Variants in GRIK2 observed in about 807,000 individuals in gnomAD.
GRIK2 encodes glutamate receptor ionotropic, kainate 2.
GRIK2 carries 32 observed loss-of-function variants against 100.3 expected under a neutral mutation model. That is an observed-to-expected ratio of 0.32 (90% CI 0.24 to 0.43). The LOEUF is 0.43. Among genes scored for constraint, GRIK2 ranks in the 20% least tolerant of loss-of-function variants. The pLI, the probability that GRIK2 is intolerant of heterozygous loss-of-function variation, is 1.00. For synonymous variants in GRIK2, 417 were observed against 389.4 expected (o/e 1.07, Z -0.83); for missense variants, 843 against 1,114.9 (o/e 0.76, Z 3.47).
At chr6:102,019,142 G>C (rs1769291238) in intron 14 of GRIK2, among the ~76,000 whole-genome samples, 1 of 151,926 alleles carries the variant, frequency 6.6e-6, no homozygotes, top group African/African-American at 2.4e-5. Context: ...CTTTTATCAA[G>C]TCAAAATGAT....
intron 7 of GRIK2, among the ~76,000 whole-genome samples, chr6:101,724,616 C>G (rs1322857508): frequency 4.6e-5 from 7 of 151,868 alleles, no homozygotes; most frequent in African/African-American, 1.7e-4. Context: ...TATGTACAGT[C>G]TTTATTCACT....
chr6:101,735,330 T>G (rs1775562347), intron 7 of GRIK2, among the ~76,000 whole-genome samples: 1 of 152,194 alleles, frequency 6.6e-6, no homozygotes, highest in African/African-American at 2.4e-5. Context: ...GTATTCAATA[T>G]GTTGACATTT....
At chr6:101,672,652 G>T (rs1158502997) in intron 4 of GRIK2, among the ~76,000 whole-genome samples, 1 of 151,798 alleles carries the variant, frequency 6.6e-6, no homozygotes, top group Non-Finnish European at 1.5e-5. Flanking sequence ...GTGTTGTGGG[G>T]GTTTGGTGTA....
At chr6:102,062,715 G>A (rs929737938) in intron 16 of GRIK2, among the ~76,000 whole-genome samples, 6 of 150,162 alleles carry the variant, frequency 4.0e-5, no homozygotes, top group African/African-American at 1.5e-4. Flanking sequence ...ATAGCCTTAG[G>A]TCAATTCATA....
At chr6:101,774,293 A>C (rs886894395) in intron 7 of GRIK2, among the ~76,000 whole-genome samples, 1 of 152,178 alleles carries the variant, frequency 6.6e-6, no homozygotes, top group Non-Finnish European at 1.5e-5. Flanking sequence ...AACATTGATG[A>C]ATATAAATTT....
intron 2 of GRIK2, among the ~76,000 whole-genome samples, chr6:101,488,847 G>C (rs564948279): frequency 6.9e-6 from 1 of 145,866 alleles, no homozygotes; most frequent in African/African-American, 2.6e-5. Context: ...AGACCACAGG[G>C]GATGAATGTA....
intron 10 of GRIK2, among the ~76,000 whole-genome samples, chr6:101,820,652 C>T (rs111631761): frequency 0.072 from 10,982 of 152,202 alleles, 421 homozygotes; most frequent in African/African-American, 0.094. Flanking sequence ...CCATATTGGC[C>T]AGGATGGTCT....
chr6:101,865,838 G>A (rs1171055502), intron 11 of GRIK2, among the ~76,000 whole-genome samples: 3 of 149,994 alleles, frequency 2.0e-5, no homozygotes, highest in Non-Finnish European at 3.0e-5. Context: ...GCAGTGAGCT[G>A]AGATCACGCC....
At chr6:101,581,267 C>T (rs1044643833) in intron 2 of GRIK2, among the ~76,000 whole-genome samples, 9 of 149,926 alleles carry the variant, frequency 6.0e-5, no homozygotes, top group East Asian at 1.9e-4. Flanking sequence ...TATATCTACA[C>T]GTGTATACAT....
chr6:101,632,697 A>G (rs112338993), intron 4 of GRIK2, among the ~76,000 whole-genome samples: 10 of 152,198 alleles, frequency 6.6e-5, no homozygotes, highest in African/African-American at 2.4e-4. Context: ...ATTTCTGTAT[A>G]CCAGCTGCTA....
At chr6:101,537,847 C>T (rs779962127) in intron 2 of GRIK2, among the ~76,000 whole-genome samples, 11 of 151,704 alleles carry the variant, frequency 7.3e-5, no homozygotes, top group Non-Finnish European at 1.5e-4. Flanking sequence ...AGAGGTAATA[C>T]CTTGCTGTGA....
chr6:101,744,679 AGCGATT>A (rs1226177035), intron 7 of GRIK2: 2 of 151,596 alleles, frequency 1.3e-5, no homozygotes, highest in Non-Finnish European at 2.9e-5. Context: ...CCTGGGTTCA[AGCGATT>A]CTTCTGCCTC....
At chr6:101,869,153 A>G (rs1488332583) in intron 11 of GRIK2, among the ~76,000 whole-genome samples, 1 of 151,922 alleles carries the variant, frequency 6.6e-6, no homozygotes, top group Admixed American at 6.6e-5. Context: ...TATCTTATGT[A>G]ACACCACACG....
intron 7 of GRIK2, among the ~76,000 whole-genome samples, chr6:101,762,343 T>G (rs895277837): frequency 3.9e-5 from 6 of 151,942 alleles, no homozygotes; most frequent in Non-Finnish European, 8.8e-5. Flanking sequence ...CCTGGCTAAT[T>G]TTTTTATTTT....
At chr6:102,014,694 G>A (rs1795739730) in intron 14 of GRIK2, among the ~76,000 whole-genome samples, 1 of 152,006 alleles carries the variant, frequency 6.6e-6, no homozygotes, top group African/African-American at 2.4e-5. Flanking sequence ...ATTATTTACT[G>A]CAAAGTCATT....
intron 2 of GRIK2, among the ~76,000 whole-genome samples, chr6:101,590,427 G>A (rs765951402): frequency 6.6e-6 from 1 of 151,996 alleles, no homozygotes; most frequent in African/African-American, 2.4e-5. Flanking sequence ...AGGTATGTGG[G>A]GAGACTGTGG....
At chr6:101,912,087 AACAC>A (rs1788747513) in intron 12 of GRIK2, among the ~76,000 whole-genome samples, 1 of 16,220 alleles carries the variant, frequency 6.2e-5, no homozygotes, top group African/African-American at 2.0e-4. Flanking sequence ...CACAGACACA[AACAC>A]ACACACACAA....
intron 14 of GRIK2, among the ~76,000 whole-genome samples, chr6:101,974,220 CA>C (rs757720921): frequency 1.3e-5 from 2 of 151,082 alleles, no homozygotes; most frequent in Middle Eastern, 3.4e-3. Flanking sequence ...AAGTACCAAA[CA>C]AAAAAAAGAC....
intron 7 of GRIK2, among the ~76,000 whole-genome samples, chr6:101,729,558 ATATGT>A (rs1206443943): frequency 2.6e-4 from 40 of 152,042 alleles, no homozygotes; most frequent in African/African-American, 5.3e-4. Flanking sequence ...GCTTTTCTAG[ATATGT>A]TATATTTTAC....
Sources: gnomAD v4.1 joint callset for allele counts (sites outside exome capture counted in the v4.1 genomes callset) on GRCh38, gnomAD v4.1.1 for gene constraint, MANE v1.5 for transcripts, NCBI Gene and HGNC (gene_info 2026-07-23, HGNC 2026-07-21) for gene names.